NBEAL2: variants seen among roughly 807,000 people sequenced by gnomAD.
NBEAL2 encodes neurobeachin-like protein 2.
Under a neutral mutation model 299.8 loss-of-function variants are expected in NBEAL2, and 160 were observed. The observed-to-expected ratio is 0.53, with a 90% CI of 0.47 to 0.61. The LOEUF is 0.61. Ranked by LOEUF, NBEAL2 falls within the 20% of genes least tolerant of loss-of-function variation. The pLI, the probability that NBEAL2 is intolerant of heterozygous loss-of-function variation, is 0.00. For synonymous variants in NBEAL2, 1,493 were observed against 1,542.3 expected (o/e 0.97, Z 0.75); for missense variants, 3,112 against 3,649.0 (o/e 0.85, Z 3.79).
rs1316890415 is a variant in NBEAL2, at chr3:46,999,188, A to G, written c.3543+71A>G. 3.2e-6 allele frequency: 5 copies of G among 1,539,776 alleles called. No individual in the cohort carries two copies. The East Asian group carries it at 1.2e-4, about 37-fold the overall frequency. On this transcript the variant is annotated intron_variant, in intron 24 of 53. Transcript: ENST00000450053. ...CCCTGCCTGGGGTTCAGGGAGGTAC[A>G]GCAGGCCTTGGGCCAGCGGATGAAG...
chr3:47,008,547 G>A lies in NBEAL2; in HGVS notation c.7906G>A (p.Val2636Ile), dbSNP rs2037638641. 1.2e-5 allele frequency: 19 copies of A among 1,613,782 alleles called. No individual in the cohort carries two copies. The highest frequency in any genetic ancestry group is 1.7e-5 in the Admixed American group (1 of 60,026). The change falls in exon 52 of 54, where the codon GTC (valine) becomes ATC (isoleucine). Residue 2636 changes from valine to isoleucine, a missense_variant. By Grantham distance (29) the Val-to-Ile change is conservative. This residue lies in a region of NBEAL2 where 348 missense variants were observed against 381.4 expected (regional missense o/e 0.91). Coordinates refer to ENST00000450053, the MANE Select transcript of NBEAL2 (RefSeq NM_015175.3). ...QVTYSLHLYS[V>I]NGKLRASLPL... ...CACCTACTCCTTGCACCTGTATTCA[G>A]TCAATGGGAAGTTGCGGGCTTCACT...
Position 47,006,354 on chromosome 3 carries a change from T to G in NBEAL2, c.7039T>G (p.Ser2347Ala), listed in dbSNP as rs2037444254. The change falls in exon 45 of 54, where the codon TCA becomes GCA. Residue 2347 changes from serine to alanine, a missense_variant. Ser to Ala is a moderately conservative substitution (Grantham distance 99). Transcript: ENST00000450053. Reference protein sequence around the residue: ...LLKEPHPTRLSAEEAAHRLAR... With the variant: ...LLKEPHPTRLAAEEAAHRLAR... Reference sequence around the variant, plus strand: ...ACAGGAGCCACATCCAACTCGGCTCTCAGCTGAGGAAGCAGCCCATCGCCT... The same window carrying G: ...ACAGGAGCCACATCCAACTCGGCTCGCAGCTGAGGAAGCAGCCCATCGCCT... 1 of 1,597,276 alleles carries G rather than the reference T, an allele frequency of 6.3e-7. No homozygotes were observed. The highest frequency in any genetic ancestry group is 8.5e-7 in the Non-Finnish European group (1 of 1,172,108).
Position 46,995,229 on chromosome 3 carries a change from G to A in NBEAL2, c.1494G>A (p.Leu498=), listed in dbSNP as rs753514880. The change falls in exon 13 of 54, where the codon CTG becomes CTA. Residue 498 remains leucine, a synonymous_variant. Coordinates refer to ENST00000450053, the MANE Select transcript of NBEAL2 (RefSeq NM_015175.3). ...TCVQAGLVGC[L]LETLSTGLAL... ...TGCAGGCAGGCCTGGTGGGCTGCCT[G>A]TTGGAGACACTCAGCACAGGGCTAG... is the stretch of plus-strand genomic sequence containing the variant. 1.4e-5 allele frequency: 22 copies of A among 1,555,606 alleles called. No individual in the cohort carries two copies. In the South Asian group the frequency reaches 2.4e-4, roughly 17 times the overall value.
rs752646537 is a variant in NBEAL2, at chr3:46,995,460, A to G, written c.1725A>G (p.Ala575=). 3.1e-6 allele frequency: 5 copies of G among 1,612,878 alleles called. No individual in the cohort carries two copies. The highest frequency in any genetic ancestry group is 4.2e-6 in the Non-Finnish European group (5 of 1,179,892). ...LSGMARHQGP[A]RALRYFDLTP... is the part of the protein sequence containing the mutation. ...GCATGGCCAGGCACCAGGGTCCTGC[A>G]CGTGCTCTGCGCTACTTTGACCTCA... is the stretch of plus-strand genomic sequence containing the variant. Residue 575 remains alanine (A), a synonymous_variant, in exon 13 of 54, where the codon GCA becomes GCG. Coordinates refer to ENST00000450053, the MANE Select transcript of NBEAL2 (RefSeq NM_015175.3).
rs780495331 is a variant in NBEAL2 at position 47,004,094 on chromosome 3, C to T, written c.5899C>T (p.Arg1967Trp). 42 of 1,612,326 alleles carry T rather than the reference C, an allele frequency of 2.6e-5. No homozygotes were observed. The highest frequency in any genetic ancestry group is 4.0e-5 in the African/African-American group (3 of 74,820). Residue 1967 changes from arginine (R) to tryptophan (W), a missense_variant, in exon 37 of 54, where the codon CGG becomes TGG. This residue lies in a region of NBEAL2 where 521 missense variants were observed against 729.6 expected (regional missense o/e 0.71). Transcript: ENST00000450053. This position sits in a 1 kb window ranked among gnomAD's most constrained non-coding sequence, Gnocchi z 5.0. ...ETEEGIGYDFRRPLAQLREVH... is the reference protein window; with the variant it reads ...ETEEGIGYDFWRPLAQLREVH... ...CCCCATAGGCATCGGCTATGATTTC[C>T]GGCGCCCACTGGCCCAGCTGCGTGA...
In NBEAL2 at chr3:46,996,768, C is replaced by T. The variant is rs2036535526; in HGVS notation, c.2491C>T (p.Pro831Ser). The T allele has an allele frequency of 6.2e-7, 1 of 1,612,338 alleles. No homozygotes were observed. The highest frequency in any genetic ancestry group is 8.5e-7 in the Non-Finnish European group (1 of 1,179,706). The change falls in exon 17 of 54, where the codon CCC (proline) becomes TCC (serine). Residue 831 changes from proline (P) to serine (S), a missense_variant. Coordinates refer to ENST00000450053, the MANE Select transcript of NBEAL2 (RefSeq NM_015175.3). ...CCTCCCAGGGCCCAATGAGACGGCA[C>T]CCTTCAAGCCTGAGGGGGAGCTGCA... ...LCTLGPNETA[P>S]FKPEGELHEL...
chr3:47,004,806 T>G lies in NBEAL2; in HGVS notation c.6295-166T>G. ...CCTAGCCTCTATTCCTCAAAAGGAA[T>G]CCTGTTCCAGGACACTCTGTCCTTC... On this transcript the variant is annotated intron_variant, in intron 38 of 53. Transcript: ENST00000450053. This position sits in a 1 kb window ranked among gnomAD's most constrained non-coding sequence, Gnocchi z 5.0. 8.6e-7 allele frequency: 1 copy of G among 1,167,874 alleles called. No individual in the cohort carries two copies. Among genetic ancestry groups the G allele is most frequent in the Non-Finnish European group, 1.2e-6 (1 of 827,532 alleles). 72.3% of individuals were successfully genotyped at this position (1,167,874 alleles called of 1,614,324 possible). A position where few individuals can be genotyped will look rare whatever the true frequency, so the allele number is the denominator to read the frequency against.
intron 1 of NBEAL2, among the ~76,000 whole-genome samples, chr3:46,986,825 G>T (rs1469323321): frequency 2.0e-5 from 3 of 152,334 alleles, no homozygotes; most frequent in African/African-American, 7.2e-5. Flanking sequence ...GGCATCCCCT[G>T]TGGGGCCTCC....
rs1195707463 is a variant in NBEAL2, at chr3:47,007,836, C to T, written c.7528C>T (p.Leu2510=). The T allele has an allele frequency of 2.5e-6, 4 of 1,613,460 alleles. No individual in the cohort carries two copies. Among genetic ancestry groups the T allele is most frequent in the East Asian group, 4.5e-5 (2 of 44,898 alleles). The change falls in exon 49 of 54, where the codon CTG becomes TTG. Residue 2510 remains leucine (L), a synonymous_variant. Transcript: ENST00000450053. ...TGCAGATGTAGTAACCTGCCTTGCA[C>T]TGGACACCTGTGGCATCTACCTCAT... ...CHLDVVTCLA[L]DTCGIYLISG... is the part of the protein sequence containing the mutation.
In NBEAL2 at chr3:47,001,038, A is replaced by G; in HGVS notation, c.4343A>G (p.Asn1448Ser). 3.1e-6 allele frequency: 5 copies of G among 1,610,516 alleles called. No individual in the cohort carries two copies. The highest frequency in any genetic ancestry group is 1.7e-5 in the Admixed American group (1 of 59,658). The change falls in exon 28 of 54, where the codon AAC (asparagine) becomes AGC (serine). Residue 1448 changes from asparagine to serine, a missense_variant. Transcript: ENST00000450053. The surrounding 1 kb of genome is among the most constrained non-coding windows in gnomAD (Gnocchi z 6.1). ...SEEELCNLLT[N>S]VLFSVTWRGV... ...GAAGAGTTGTGCAATCTGCTCACCAACGTGCTGTTCTCGGTGACGTGGCGT... is the reference window on the plus strand; with the variant it reads ...GAAGAGTTGTGCAATCTGCTCACCAGCGTGCTGTTCTCGGTGACGTGGCGT...
Position 46,989,198 on chromosome 3 carries a change from G to T in NBEAL2, c.351+32G>T. On this transcript the variant is annotated intron_variant, in intron 4 of 53. Transcript: ENST00000450053. The surrounding 1 kb of genome is among the most constrained non-coding windows in gnomAD (Gnocchi z 5.5). ...TGGCCTCTACCTTGGGGGGCAGAGGGTGTATGCAGGGAGGCAGGCGGTAGC... is the reference window on the plus strand; with the variant it reads ...TGGCCTCTACCTTGGGGGGCAGAGGTTGTATGCAGGGAGGCAGGCGGTAGC... The T allele has an allele frequency of 6.2e-7, 1 of 1,613,490 alleles. No homozygotes were observed. Among genetic ancestry groups the T allele is most frequent in the South Asian group, 1.1e-5 (1 of 91,026 alleles).
Position 46,991,747 on chromosome 3 carries a change from A to G in NBEAL2, c.925+59A>G. ...GCACCATGAGGGAAAAGCCTAAGTG[A>G]TGATGGAAGGTCTGGATAGGGCAGC... is the stretch of plus-strand genomic sequence containing the variant. On this transcript the variant is annotated intron_variant, in intron 8 of 53. Coordinates refer to ENST00000450053, the MANE Select transcript of NBEAL2 (RefSeq NM_015175.3). This position sits in a 1 kb window ranked among gnomAD's most constrained non-coding sequence, Gnocchi z 6.2. 1 of 1,569,054 alleles carries G rather than the reference A, an allele frequency of 6.4e-7. No homozygotes were observed. Among genetic ancestry groups the G allele is most frequent in the Non-Finnish European group, 8.6e-7 (1 of 1,157,612 alleles).
chr3:46,994,686 C>A (rs2036351060), intron 12 of NBEAL2, 133 bp downstream of exon 12: 1 of 804,468 alleles, frequency 1.2e-6, no homozygotes, highest in Non-Finnish European at 2.0e-6. Context: ...TGTAGCCTGG[C>A]CATGTCTGTT....
In NBEAL2 at chr3:47,001,941, A is replaced by C; in HGVS notation, c.4804A>C (p.Arg1602=). The change falls in exon 31 of 54, where the codon AGA becomes CGA. Residue 1602 remains arginine, a synonymous_variant. Transcript: ENST00000450053. This position sits in a 1 kb window ranked among gnomAD's most constrained non-coding sequence, Gnocchi z 6.1. ...ACAGCTGCATGCCCAGGCCTACGTG[A>C]GATTGCACATGCTGCTACAGACTGC... The part of the protein sequence containing the change: ...DPQLHAQAYV[R]LHMLLQTAVP... 1 of 1,604,894 alleles carries C rather than the reference A, an allele frequency of 6.2e-7. No individual in the cohort carries two copies. The highest frequency in any genetic ancestry group is 1.7e-4 in the Middle Eastern group (1 of 6,038).
Position 46,997,410 on chromosome 3 carries a change from T to A in NBEAL2, c.2801T>A (p.Val934Asp), listed in dbSNP as rs777715578. 6.2e-7 allele frequency: 1 copy of A among 1,610,814 alleles called. No individual in the cohort carries two copies. The highest frequency in any genetic ancestry group is 2.2e-5 in the East Asian group (1 of 44,830). The change falls in exon 19 of 54, where the codon GTT (valine) becomes GAT (aspartate). Residue 934 changes from valine to aspartate, a missense_variant. By Grantham distance (152) the Val-to-Asp change is radical. This residue lies in a region of NBEAL2 where 2,243 missense variants were observed against 2,538.1 expected (regional missense o/e 0.88). Coordinates refer to ENST00000450053, the MANE Select transcript of NBEAL2 (RefSeq NM_015175.3). ...TCTGGTCACAACACCCAGGGCCTGG[T>A]TCTCCCATTGGGTAAATCTTCAGGT... is the stretch of plus-strand genomic sequence containing the variant. ...LTSGHNTQGL[V>D]LPLGKSSEER...
rs2035161145 is a variant in NBEAL2 at position 46,979,666 on chromosome 3, A to C, written c.-196A>C. ...TGCAGGAAGCTGGGCGGCGGCCGGC[A>C]GTGAGGAGGAGGAGCGAGCAGACTT... On this transcript the variant is annotated 5_prime_UTR_variant, in exon 1 of 54. Transcript: ENST00000450053. 9.6e-6 allele frequency: 3 copies of C among 313,972 alleles called. No homozygotes were observed. The highest frequency in any genetic ancestry group is 1.2e-5 in the Non-Finnish European group (2 of 171,734). 19.4% of individuals were successfully genotyped at this position (313,972 alleles called of 1,614,324 possible).
At chr3:46,980,408 A>G (rs540041360) in intron 1 of NBEAL2, among the ~76,000 whole-genome samples, 5 of 152,000 alleles carry the variant, frequency 3.3e-5, no homozygotes, top group African/African-American at 1.2e-4. Flanking sequence ...TGGAAGGGGA[A>G]TGCTCCCACT....
chr3:46,999,222 A>G, intron 24 of NBEAL2, 93 bp from the exon 25 acceptor site: 1 of 1,539,752 alleles, frequency 6.5e-7, no homozygotes, highest in Admixed American at 1.9e-5. Context: ...AGCTGCCTTC[A>G]AGGGCCTCTT....
In NBEAL2 at chr3:47,001,235, G is replaced by A. The variant is rs1360992997; in HGVS notation, c.4485-44G>A. The A allele has an allele frequency of 3.7e-6, 6 of 1,600,954 alleles. No homozygotes were observed. In the African/African-American group the frequency reaches 4.0e-5, roughly 11 times the overall value. ...TTCAGGAAGCCTCGGGGGAAGGAGA[G>A]AAGATAGTCAGGTAGACCCTTGAGT... On this transcript the variant is annotated intron_variant, in intron 28 of 53. Transcript: ENST00000450053. The surrounding 1 kb of genome is among the most constrained non-coding windows in gnomAD (Gnocchi z 6.1).
Sources: gnomAD v4.1 joint callset for allele counts (sites outside exome capture counted in the v4.1 genomes callset) on GRCh38, gnomAD v4.1.1 for gene constraint, gnomAD v4.1.1 regional missense constraint, Gnocchi (gnomAD v3.1) non-coding constraint, MANE v1.5 for transcripts, NCBI Gene and HGNC (gene_info 2026-07-23, HGNC 2026-07-21) for gene names.